The following CCDC171 variants were observed in gnomAD, a reference collection of about 807,000 sequenced individuals.
CCDC171 encodes coiled-coil domain containing 171.
Under a neutral mutation model 168.2 loss-of-function variants are expected in CCDC171, and 177 were observed. That is an observed-to-expected ratio of 1.05 (90% CI 0.93 to 1.19). The LOEUF (loss-of-function observed/expected upper bound fraction) is 1.19, where lower values mean the gene tolerates loss of function less well. Ranked by LOEUF, CCDC171 falls within the 50% of genes most tolerant of loss-of-function variation. The pLI is 0.00. For missense variants in CCDC171, 1,991 were observed against 1,539.0 expected (o/e 1.29, Z -4.91); for synonymous variants, 687 against 540.8 (o/e 1.27, Z -3.75).
the CCDC171 span, among the ~76,000 whole-genome samples, chr9:16,106,178 A>G: frequency 6.6e-6 from 1 of 152,208 alleles, no homozygotes; most frequent in Non-Finnish European, 1.5e-5. Flanking sequence ...TGCTTGGGAT[A>G]TGGAGTTTTC....
In CCDC171 at chr9:15,724,754, CTTTA is replaced by C. The variant is rs767839374; in HGVS notation, c.1492-18_1492-15del. 1.3e-6 allele frequency: 2 copies of C among 1,587,036 alleles called. No homozygotes were observed. The highest frequency in any genetic ancestry group is 2.2e-5 in the South Asian group (2 of 90,244). On this transcript the variant is annotated intron_variant, in intron 13 of 25. Coordinates refer to ENST00000380701, the MANE Select transcript of CCDC171 (RefSeq NM_173550.4). ...TTGTTGGCTGGCCTTTCTACAATCTCTTTATTTGGTATCTATGACAGGAACTTCA... is the reference window on the plus strand; with the variant it reads ...TTGTTGGCTGGCCTTTCTACAATCTCTTTGGTATCTATGACAGGAACTTCA...
intron 6 of CCDC171, among the ~76,000 whole-genome samples, chr9:15,596,770 C>T (rs79118653): frequency 2.7e-5 from 4 of 150,858 alleles, no homozygotes; most frequent in South Asian, 2.1e-4. Context: ...ATTCTTCCTA[C>T]CCATGAGCAT....
At chr9:15,710,203 A>G (rs2052555703) in intron 11 of CCDC171, among the ~76,000 whole-genome samples, 2 of 152,192 alleles carry the variant, frequency 1.3e-5, no homozygotes, top group Non-Finnish European at 2.9e-5. Flanking sequence ...TGTATATCTC[A>G]TATAATATCA....
intron 2 of CCDC171, among the ~76,000 whole-genome samples, chr9:15,566,471 A>G (rs904613356): frequency 6.6e-6 from 1 of 152,206 alleles, no homozygotes; most frequent in African/African-American, 2.4e-5. Flanking sequence ...AGGCATGAGA[A>G]TTGTTTGAAG....
intron 21 of CCDC171, among the ~76,000 whole-genome samples, chr9:15,823,353 T>C (rs1165975628): frequency 6.6e-6 from 1 of 151,956 alleles, no homozygotes; most frequent in Non-Finnish European, 1.5e-5. Context: ...AAAGAAAAGG[T>C]ATATTGTCTT....
chr9:15,658,362 A>G (rs1300162152), intron 8 of CCDC171, among the ~76,000 whole-genome samples: 1 of 152,300 alleles, frequency 6.6e-6, no homozygotes, highest in Admixed American at 6.5e-5. Flanking sequence ...TGGTAGATAA[A>G]GGAAGGGAGT....
intron 24 of CCDC171, among the ~76,000 whole-genome samples, chr9:15,905,179 A>C (rs1822365957): frequency 6.6e-6 from 1 of 152,144 alleles, no homozygotes; most frequent in Admixed American, 6.5e-5. Context: ...GACCTAATAG[A>C]CATCTACAGA....
At chr9:15,955,732 T>C (rs1829734054) in intron 25 of CCDC171, among the ~76,000 whole-genome samples, 1 of 152,174 alleles carries the variant, frequency 6.6e-6, no homozygotes, top group Admixed American at 6.6e-5. Flanking sequence ...CTTACTACTC[T>C]GCCATCTTTC....
At chr9:15,686,048 T>G (rs1279242025) in intron 10 of CCDC171, among the ~76,000 whole-genome samples, 1 of 152,164 alleles carries the variant, frequency 6.6e-6, no homozygotes, top group Non-Finnish European at 1.5e-5. Flanking sequence ...TGTAATAGTG[T>G]GGAAATATTA....
chr9:16,097,298 G>C, the CCDC171 span, among the ~76,000 whole-genome samples: 7 of 152,306 alleles, frequency 4.6e-5, no homozygotes, highest in East Asian at 1.2e-3. Context: ...ACTGTATTAA[G>C]ACACAATCTA....
At chr9:15,599,375 C>T (rs1414459816) in intron 6 of CCDC171, among the ~76,000 whole-genome samples, 1 of 152,086 alleles carries the variant, frequency 6.6e-6, no homozygotes, top group African/African-American at 2.4e-5. Context: ...ATTTGCTTGT[C>T]TGTAAAGTAT....
At chr9:15,845,247 C>A (rs1278196299) in intron 21 of CCDC171, among the ~76,000 whole-genome samples, 1 of 151,970 alleles carries the variant, frequency 6.6e-6, no homozygotes. Flanking sequence ...TCTTTGCCAT[C>A]TTTTTAAAGT....
chr9:15,993,727 A>T (rs201151871), intron 3 of CCDC171, among the ~76,000 whole-genome samples: 10 of 152,186 alleles, frequency 6.6e-5, no homozygotes, highest in South Asian at 2.1e-4. Flanking sequence ...GAATCTACAA[A>T]GAACTCAAAC....
At chr9:15,591,670 T>C in intron 5 of CCDC171, 114 bp downstream of exon 5, 2 of 645,616 alleles carry the variant, frequency 3.1e-6, no homozygotes, top group East Asian at 3.0e-5. Flanking sequence ...CCTCCTTCCT[T>C]CCTCCCTCCC....
intron 3 of CCDC171, among the ~76,000 whole-genome samples, chr9:15,982,723 C>G (rs746375872): frequency 8.5e-5 from 13 of 152,088 alleles, no homozygotes; most frequent in African/African-American, 1.2e-4. Context: ...CCACATGACC[C>G]AGGCATGGTC....
At chr9:15,663,834 C>G (rs1032324218) in intron 8 of CCDC171, among the ~76,000 whole-genome samples, 1 of 152,016 alleles carries the variant, frequency 6.6e-6, no homozygotes, top group Non-Finnish European at 1.5e-5. Context: ...TCTCGATCTC[C>G]TAACCTCATG....
intron 21 of CCDC171, among the ~76,000 whole-genome samples, chr9:15,786,476 A>G (rs2057960656): frequency 6.6e-6 from 1 of 152,204 alleles, no homozygotes; most frequent in Non-Finnish European, 1.5e-5. Flanking sequence ...TAGAAATATA[A>G]CTGAATATAG....
At chr9:15,949,151 C>G (rs569190742) in intron 25 of CCDC171, among the ~76,000 whole-genome samples, 1 of 152,148 alleles carries the variant, frequency 6.6e-6, no homozygotes, top group African/African-American at 2.4e-5. Flanking sequence ...GGCATTATTT[C>G]TGAGGGCTCT....
At chr9:15,647,609 C>A (rs2047156113) in intron 7 of CCDC171, among the ~76,000 whole-genome samples, 1 of 152,116 alleles carries the variant, frequency 6.6e-6, no homozygotes, top group Non-Finnish European at 1.5e-5. Flanking sequence ...TCAGAGAATA[C>A]TATAAACACC....
Sources: gnomAD v4.1 joint callset for allele counts (sites outside exome capture counted in the v4.1 genomes callset) on GRCh38, gnomAD v4.1.1 for gene constraint, MANE v1.5 for transcripts, NCBI Gene and HGNC (gene_info 2026-07-23, HGNC 2026-07-21) for gene names.